The following SAMSN1 variants were observed in gnomAD, a reference collection of about 807,000 sequenced individuals.
The protein encoded by SAMSN1 is SAM domain, SH3 domain and nuclear localization signals 1.
SAMSN1 carries 31 observed loss-of-function variants against 42.0 expected under a neutral mutation model. The ratio of observed to expected loss-of-function variants is 0.74; its 90% confidence interval spans 0.55 to 1.00. The LOEUF is 1.00. Ranked by LOEUF, SAMSN1 falls within the 50% of genes least tolerant of loss-of-function variation. The pLI, the probability that SAMSN1 is intolerant of heterozygous loss-of-function variation, is 0.00. For synonymous variants in SAMSN1, 178 were observed against 151.9 expected, an observed-to-expected ratio of 1.17 and a Z score of -1.26; for missense variants, 464 against 439.4, an observed-to-expected ratio of 1.06 and a Z score of -0.50.
At chr21:14,562,806 T>G (rs1980987457) in intron 2 of SAMSN1, among the ~76,000 whole-genome samples, 1 of 152,110 alleles carries the variant, frequency 6.6e-6, no homozygotes, top group Admixed American at 6.6e-5. Context: ...AGATCAATAC[T>G]AAGGATACTG....
chr21:14,493,614 T>C (rs1038375721), intron 7 of SAMSN1, among the ~76,000 whole-genome samples: 17 of 128,350 alleles, frequency 1.3e-4, no homozygotes, highest in African/African-American at 2.4e-4. Context: ...CACACACACA[T>C]ATTTTCTGTT....
intron 2 of SAMSN1, among the ~76,000 whole-genome samples, chr21:14,574,619 C>T (rs1981402050): frequency 6.6e-6 from 1 of 152,172 alleles, no homozygotes; most frequent in Non-Finnish European, 1.5e-5. Flanking sequence ...TTGAATGCTA[C>T]ATTGCTGTGT....
rs1332466210 is a variant in SAMSN1, at chr21:14,500,671, T to C, written c.626A>G (p.Asn209Ser). ...AATGAATTTGAAGTTTCCCACTTTA[T>C]TGTTCAACATTCCTGTCCACATCCC... ...PMGMWTGMLN[N>S]KVGNFKFIYV... The change falls in exon 6 of 8, where the codon AAT becomes AGT. Residue 209 changes from asparagine to serine, a missense_variant. Asn to Ser is a conservative substitution (Grantham distance 46). Transcript: ENST00000400566. 2 of 1,614,172 alleles carry C rather than the reference T, an allele frequency of 1.2e-6. No individual in the cohort carries two copies. The highest frequency in any genetic ancestry group is 2.2e-5 in the East Asian group (1 of 44,874).
chr21:14,530,181 G>T (rs543672060), intron 1 of SAMSN1, among the ~76,000 whole-genome samples: 1 of 152,096 alleles, frequency 6.6e-6, no homozygotes, highest in East Asian at 1.9e-4. Flanking sequence ...GCCGGGCGTG[G>T]TGGCGGGTGC....
At chr21:14,491,561 C>T (rs1986685840) in intron 7 of SAMSN1, among the ~76,000 whole-genome samples, 1 of 152,212 alleles carries the variant, frequency 6.6e-6, no homozygotes, top group Non-Finnish European at 1.5e-5. Flanking sequence ...AAACCCTTAT[C>T]TATCTAACCA....
At position 14,512,428 on chromosome 21, in the gene SAMSN1, G is replaced by A. The variant is rs57285749; in HGVS notation, c.409+16C>T. Reference sequence around the variant, plus strand: ...ACCTCACACCCAGGATCTTGTCCCTGATTCATTAGCCTTACTTGATGAGCT... The same window carrying A: ...ACCTCACACCCAGGATCTTGTCCCTAATTCATTAGCCTTACTTGATGAGCT... On this transcript the variant is annotated intron_variant, in intron 4 of 7. Transcript: ENST00000400566. 1.2e-6 allele frequency: 2 copies of A among 1,612,234 alleles called. No individual in the cohort carries two copies. The highest frequency in any genetic ancestry group is 2.2e-5 in the East Asian group (1 of 44,850).
At chr21:14,577,238 GTATATATATATATATATATA>G (rs767931839) in intron 2 of SAMSN1, among the ~76,000 whole-genome samples, 56 of 28,178 alleles carry the variant, frequency 2.0e-3, no homozygotes, top group South Asian at 3.1e-3. Context: ...ATATATGTGT[GTATATATATATATATATATA>G]TATATATATA....
upstream of SAMSN1, chr21:14,546,388 C>T: frequency 1.4e-6 from 2 of 1,465,402 alleles, no homozygotes; most frequent in Admixed American, 2.8e-5. Context: ...GCCACTTCCT[C>T]CTTCAGTCAG....
At chr21:14,581,537 T>C (rs1369997382) in intron 2 of SAMSN1, among the ~76,000 whole-genome samples, 5 of 151,178 alleles carry the variant, frequency 3.3e-5, no homozygotes, top group Non-Finnish European at 7.4e-5. Flanking sequence ...TTTTTTGTAT[T>C]TTTAGTAGAG....
upstream of SAMSN1, among the ~76,000 whole-genome samples, chr21:14,548,812 CAG>C (rs1298800192): frequency 1.3e-5 from 2 of 151,718 alleles, no homozygotes; most frequent in African/African-American, 4.8e-5. Context: ...GTGAGTGACA[CAG>C]AGTGACCCAG....
Position 14,634,763 on chromosome 21 carries a change from T to C in SAMSN1, c.156+8239A>G, listed in dbSNP as rs555816088. On this transcript the variant is annotated intron_variant, in intron 2 of 15. Coordinates refer to the SAMSN1 transcript ENST00000647101. The stretch of plus-strand genomic sequence containing the variant: ...CTGTGGAAGACAGTGTGGTGATACC[T>C]CAAGGATCTGGAACCAGAAATACCA... Among the ~76,000 whole-genome samples the C allele has an allele frequency of 2.0e-5, 3 of 152,300 alleles. No individual in the cohort carries two copies. The South Asian group carries it at 6.2e-4, about 32-fold the overall frequency.
intron 2 of SAMSN1, among the ~76,000 whole-genome samples, chr21:14,572,250 C>T (rs1981324497): frequency 6.6e-6 from 1 of 152,184 alleles, no homozygotes; most frequent in Non-Finnish European, 1.5e-5. Context: ...ATGTTACATA[C>T]ATTATCTAGT....
rs533712793 is a variant in SAMSN1, at chr21:14,551,764, A to G, written c.261+30372T>C. On this transcript the variant is annotated intron_variant, in intron 2 of 8. Transcript: ENST00000285670. ...GTGCTTTATAAATATTTTCAATATA[A>G]TCTTCACAAAAATCTTCATGAGCTG... Among the ~76,000 whole-genome samples the G allele has an allele frequency of 2.8e-3, 426 of 152,230 alleles. 2 individuals carry two copies. The highest frequency in any genetic ancestry group is 0.01 in the African/African-American group (418 of 41,554).
At chr21:14,517,218 G>GT (rs1987958267) in intron 2 of SAMSN1, among the ~76,000 whole-genome samples, 177 bp from the exon 3 acceptor site, 1 of 152,174 alleles carries the variant, frequency 6.6e-6, no homozygotes, top group Admixed American at 6.5e-5. Flanking sequence ...TCCAGCCCTG[G>GT]TTGCTTGTGT....
intron 2 of SAMSN1, among the ~76,000 whole-genome samples, chr21:14,561,515 T>C (rs1020221551): frequency 2.0e-5 from 3 of 152,124 alleles, no homozygotes; most frequent in African/African-American, 7.2e-5. Context: ...ATGTGTATGA[T>C]AAATAAGGAG....
chr21:14,620,244 C>G (rs1292879743), intron 2 of SAMSN1, among the ~76,000 whole-genome samples: 1 of 152,014 alleles, frequency 6.6e-6, no homozygotes, highest in Non-Finnish European at 1.5e-5. Flanking sequence ...AATTGTAATC[C>G]CTAGGTGTTG....
intron 6 of SAMSN1, among the ~76,000 whole-genome samples, chr21:14,595,029 T>C (rs1357378553): frequency 6.6e-6 from 1 of 152,086 alleles, no homozygotes; most frequent in Non-Finnish European, 1.5e-5. Context: ...AGCAAAAGAA[T>C]GAAGGCGGAG....
At chr21:14,528,127 G>A (rs533837127) in intron 1 of SAMSN1, among the ~76,000 whole-genome samples, 27 of 152,214 alleles carry the variant, frequency 1.8e-4, no homozygotes, top group Non-Finnish European at 3.5e-4. Context: ...AAAAGGAAAT[G>A]AAAAGCTTTA....
chr21:14,616,821 T>C (rs1472169077), intron 2 of SAMSN1, among the ~76,000 whole-genome samples: 1 of 152,076 alleles, frequency 6.6e-6, no homozygotes. Context: ...AAAACACAAA[T>C]GCTAAGGCTA....
Sources: allele counts gnomAD v4.1 joint callset (sites outside exome capture counted in the v4.1 genomes callset), GRCh38; gene constraint gnomAD v4.1.1; transcripts MANE v1.5; gene names NCBI Gene and HGNC (gene_info 2026-07-23, HGNC 2026-07-21).